Variants in RHEB observed in about 807,000 individuals in gnomAD.
RHEB encodes Ras homolog, mTORC1 binding, also known as GTP-binding protein Rheb.
A neutral mutation model predicts 28.8 loss-of-function variants in RHEB; 2 were observed. The ratio of observed to expected loss-of-function variants is 0.07; its 90% CI spans 0.03 to 0.22. The LOEUF (loss-of-function observed/expected upper bound fraction) is 0.22. Among genes scored for constraint, RHEB ranks in the 10% least tolerant of loss-of-function variants. The probability of loss-of-function intolerance (pLI) is 1.00; values close to 1 mark genes in which losing one functional copy is unlikely to be tolerated. For synonymous variants in RHEB, 69 were observed against 77.3 expected (o/e 0.89, Z 0.56); for missense variants, 76 against 219.9 (o/e 0.35, Z 4.14).
At chr7:151,482,565 T>G (rs1802397837) in intron 3 of RHEB, among the ~76,000 whole-genome samples, 1 of 152,190 alleles carries the variant, frequency 6.6e-6, no homozygotes, top group South Asian at 2.1e-4. Flanking sequence ...ATGAAAGTGA[T>G]TTATCAATTT....
intron 1 of RHEB, among the ~76,000 whole-genome samples, chr7:151,512,404 T>G (rs1250066247): frequency 1.3e-5 from 2 of 152,222 alleles, no homozygotes; most frequent in Non-Finnish European, 2.9e-5. Flanking sequence ...AACTATATTA[T>G]TAGTATATGG....
intron 2 of RHEB, among the ~76,000 whole-genome samples, chr7:151,486,467 C>T (rs1802475595): frequency 6.6e-6 from 1 of 152,310 alleles, no homozygotes; most frequent in Non-Finnish European, 1.5e-5. Flanking sequence ...CCCTCCCACC[C>T]TGTCGGGTAT....
rs1310043296 is a variant in RHEB, at chr7:151,498,171, C to T, written c.53-7157G>A. 2.3e-6 allele frequency: 3 copies of T among 1,289,338 alleles called. No homozygotes were observed. In the African/African-American group the frequency reaches 4.6e-5, roughly 20 times the overall value. The allele number at this position is 1,289,338 out of a possible 1,614,324, so 79.9% of individuals were successfully genotyped here. ...CTCACAACAGGTGCGTAGGTCCTGGCTTGAGGAACCTTCAAGGAAAAGGTC... is the reference window on the plus strand; with the variant it reads ...CTCACAACAGGTGCGTAGGTCCTGGTTTGAGGAACCTTCAAGGAAAAGGTC... On this transcript the variant is annotated intron_variant, in intron 1 of 7. Transcript: ENST00000262187.
At chr7:151,488,167 T>C (rs1002576089) in intron 2 of RHEB, among the ~76,000 whole-genome samples, 3 of 152,252 alleles carry the variant, frequency 2.0e-5, no homozygotes, top group African/African-American at 7.2e-5. Flanking sequence ...TTAGTTTGTA[T>C]TGAGTTGTTA....
chr7:151,510,607 T>C (rs1371374630), intron 1 of RHEB, among the ~76,000 whole-genome samples: 4 of 152,238 alleles, frequency 2.6e-5, no homozygotes, highest in African/African-American at 9.6e-5. Flanking sequence ...ATAACTGTCC[T>C]AGCTTTTGTG....
intron 1 of RHEB, among the ~76,000 whole-genome samples, chr7:151,497,001 G>A (rs1283318054): frequency 6.7e-6 from 1 of 150,096 alleles, no homozygotes; most frequent in African/African-American, 2.5e-5. Context: ...GTGTTAGCCA[G>A]GATGGTCTCG....
intron 1 of RHEB, among the ~76,000 whole-genome samples, chr7:151,512,973 A>C (rs1283605557): frequency 6.6e-6 from 1 of 152,256 alleles, no homozygotes; most frequent in Non-Finnish European, 1.5e-5. Context: ...CAAAAACAGT[A>C]GTTACAAACT....
At chr7:151,504,700 T>C (rs1361001193) in intron 1 of RHEB, among the ~76,000 whole-genome samples, 4 of 152,126 alleles carry the variant, frequency 2.6e-5, no homozygotes, top group African/African-American at 7.2e-5. Flanking sequence ...TATGGTTCCA[T>C]TTATTGGGCA....
chr7:151,482,749 A>G (rs1000398515), intron 3 of RHEB, among the ~76,000 whole-genome samples: 2 of 152,164 alleles, frequency 1.3e-5, no homozygotes, highest in Non-Finnish European at 2.9e-5. Context: ...TAGCACCCCC[A>G]GCCCACAACT....
intron 1 of RHEB, among the ~76,000 whole-genome samples, chr7:151,512,364 C>T (rs1563102311): frequency 6.6e-6 from 1 of 152,162 alleles, no homozygotes; most frequent in Non-Finnish European, 1.5e-5. Flanking sequence ...TGTACTCCTC[C>T]CCACCTTCAT....
intron 1 of RHEB, chr7:151,502,520 G>T: frequency 1.0e-6 from 1 of 985,834 alleles, no homozygotes; most frequent in South Asian, 1.3e-5. Context: ...AGTCAACGTT[G>T]ACTTTGAATC....
chr7:151,485,232 T>G (rs1413101039), intron 2 of RHEB, among the ~76,000 whole-genome samples: 2 of 152,200 alleles, frequency 1.3e-5, no homozygotes, highest in African/African-American at 4.8e-5. Flanking sequence ...ATTAGTTAAG[T>G]GCTAAGAACT....
chr7:151,479,366 T>C (rs1374618014), intron 3 of RHEB, among the ~76,000 whole-genome samples: 1 of 151,960 alleles, frequency 6.6e-6, no homozygotes, highest in Non-Finnish European at 1.5e-5. Flanking sequence ...ATGGGAGAGC[T>C]TAAAATACAT....
intron 1 of RHEB, chr7:151,503,003 G>T: frequency 2.6e-6 from 2 of 783,476 alleles, no homozygotes; most frequent in Admixed American, 1.7e-5. Flanking sequence ...ATTCATTCAA[G>T]AAAAGAAATC....
chr7:151,513,540 A>C (rs2150939743), intron 1 of RHEB, among the ~76,000 whole-genome samples: 1 of 152,372 alleles, frequency 6.6e-6, no homozygotes. Flanking sequence ...CATGTGGAAG[A>C]TCTGCGTAAC....
chr7:151,495,549 T>C (rs1473625910), intron 1 of RHEB, among the ~76,000 whole-genome samples: 1 of 152,218 alleles, frequency 6.6e-6, no homozygotes, highest in African/African-American at 2.4e-5. Context: ...TTCAGGGGTG[T>C]TGACTCAATC....
chr7:151,498,989 A>G (rs1221362366), intron 1 of RHEB, among the ~76,000 whole-genome samples: 1 of 152,246 alleles, frequency 6.6e-6, no homozygotes, highest in Non-Finnish European at 1.5e-5. Context: ...GCGAGGCACA[A>G]TTCTAAGCCT....
chr7:151,503,481 C>A, intron 1 of RHEB: 2 of 1,032,886 alleles, frequency 1.9e-6, no homozygotes, highest in Non-Finnish European at 3.0e-6. Flanking sequence ...TCTGGCAAAA[C>A]GTGCCTCACC....
chr7:151,472,295 G>C lies in RHEB; in HGVS notation c.276-690C>G, dbSNP rs1023295422. Among the ~76,000 whole-genome samples the C allele has an allele frequency of 6.6e-6, 1 of 152,164 alleles. No homozygotes were observed. The highest frequency in any genetic ancestry group is 2.4e-5 in the African/African-American group (1 of 41,416). ...CCCTCCACTGCTGCCGCTGAGGTGT[G>C]AATTCCTGGCCCAAGTCTGCCTGCA... On this transcript the variant is annotated intron_variant, in intron 4 of 7. Transcript: ENST00000262187. The surrounding 1 kb of genome is among the most constrained non-coding windows in gnomAD (Gnocchi z 5.2).
Sources: allele counts gnomAD v4.1 joint callset (sites outside exome capture counted in the v4.1 genomes callset), GRCh38; gene constraint gnomAD v4.1.1; non-coding constraint Gnocchi (gnomAD v3.1); transcripts MANE v1.5; gene names NCBI Gene and HGNC (gene_info 2026-07-23, HGNC 2026-07-21).